Variants in ROBO2 observed in about 807,000 individuals in gnomAD.
ROBO2 encodes roundabout homolog 2.
ROBO2 carries 53 observed loss-of-function variants against 160.8 expected under a neutral mutation model. The ratio of observed to expected loss-of-function variants is 0.33; its 90% confidence interval spans 0.26 to 0.41. ROBO2 has a LOEUF of 0.41. Ranked by LOEUF, ROBO2 falls within the 10% of genes least tolerant of loss-of-function variation. ROBO2 has a pLI of 1.00. For missense variants in ROBO2, 1,577 were observed against 1,722.4 expected (o/e 0.92, Z 1.49); for synonymous variants, 664 against 611.7 (o/e 1.09, Z -1.26).
chr3:76,760,082 G>C (rs1384635180), intron 2 of ROBO2, among the ~76,000 whole-genome samples: 2 of 151,744 alleles, frequency 1.3e-5, no homozygotes, highest in Non-Finnish European at 2.9e-5. Context: ...CAAAAGAGTG[G>C]AGAAGGCACA....
chr3:76,000,757 A>AT (rs949447492), intron 2 of ROBO2, among the ~76,000 whole-genome samples: 6 of 151,742 alleles, frequency 4.0e-5, no homozygotes, highest in South Asian at 2.1e-4. Context: ...CCCAAAGTTA[A>AT]TTTTTTTATA....
intron 2 of ROBO2, among the ~76,000 whole-genome samples, chr3:76,018,045 G>A (rs1314966391): frequency 6.6e-6 from 1 of 151,948 alleles, no homozygotes; most frequent in South Asian, 2.1e-4. Context: ...TTAGGGTAAC[G>A]TATAACAGAG....
intron 2 of ROBO2, among the ~76,000 whole-genome samples, chr3:76,052,338 C>G (rs1244581699): frequency 1.3e-5 from 2 of 152,022 alleles, no homozygotes; most frequent in African/African-American, 4.8e-5. Flanking sequence ...CACTCATGCA[C>G]ACACAGATGA....
intron 2 of ROBO2, among the ~76,000 whole-genome samples, chr3:76,367,509 C>CA (rs2075881453): frequency 6.6e-6 from 1 of 151,956 alleles, no homozygotes; most frequent in South Asian, 2.1e-4. Flanking sequence ...TGCATCACAA[C>CA]TTCCTGTGGT....
At chr3:76,122,824 CCTT>C (rs1232626226) in intron 2 of ROBO2, among the ~76,000 whole-genome samples, 3 of 151,876 alleles carry the variant, frequency 2.0e-5, no homozygotes. Flanking sequence ...ATAAAAATAC[CCTT>C]CTTCAATTGT....
chr3:77,412,956 C>T (rs1047168474), intron 2 of ROBO2, among the ~76,000 whole-genome samples: 6 of 152,150 alleles, frequency 3.9e-5, no homozygotes, highest in Admixed American at 3.9e-4. Context: ...GTGGCTCATG[C>T]CTGTAATCCC....
chr3:77,306,557 C>G (rs2063111004), intron 2 of ROBO2, among the ~76,000 whole-genome samples: 1 of 152,074 alleles, frequency 6.6e-6, no homozygotes, highest in African/African-American at 2.4e-5. Flanking sequence ...CTGTGTGACC[C>G]TGTCTTAAAG....
intron 1 of ROBO2, among the ~76,000 whole-genome samples, chr3:77,084,098 T>A (rs918822362): frequency 2.0e-5 from 3 of 152,092 alleles, no homozygotes; most frequent in African/African-American, 2.4e-5. Flanking sequence ...CACTTCTAGT[T>A]CACTAGTTTA....
At chr3:76,420,695 A>G (rs907823261) in intron 2 of ROBO2, among the ~76,000 whole-genome samples, 2 of 152,230 alleles carry the variant, frequency 1.3e-5, no homozygotes, top group African/African-American at 4.8e-5. Flanking sequence ...AACACTGTAT[A>G]GTTCAAGCAA....
chr3:75,912,422 T>C (rs1946636313), intron 1 of ROBO2, among the ~76,000 whole-genome samples: 1 of 152,188 alleles, frequency 6.6e-6, no homozygotes, highest in Middle Eastern at 3.2e-3. Flanking sequence ...GAGGAAAAAT[T>C]TGTACACAAT....
At chr3:76,433,508 A>C (rs1318101906) in intron 2 of ROBO2, among the ~76,000 whole-genome samples, 1 of 152,220 alleles carries the variant, frequency 6.6e-6, no homozygotes. Flanking sequence ...TTTAAATAGT[A>C]TACATTCTTT....
intron 2 of ROBO2, among the ~76,000 whole-genome samples, chr3:76,748,540 A>C (rs1178745002): frequency 6.6e-6 from 1 of 151,690 alleles, no homozygotes; most frequent in Non-Finnish European, 1.5e-5. Context: ...AATGTAAATG[A>C]AACATTAAAA....
intron 2 of ROBO2, among the ~76,000 whole-genome samples, chr3:77,101,434 A>G (rs1250324015): frequency 2.6e-5 from 4 of 152,202 alleles, no homozygotes; most frequent in East Asian, 3.9e-4. Flanking sequence ...TGACATACCA[A>G]TGAAATAGTA....
rs981590235 is a variant in ROBO2 at position 77,612,559 on chromosome 3, C to T, written c.3293+4605C>T. On this transcript the variant is annotated intron_variant, in intron 21 of 25. Transcript: ENST00000461745. ...CATGGTAGGTAGATGGATCTGTGGA[C>T]ATTTTTCAGTTTCGCTATCCCAAAG... Among the ~76,000 whole-genome samples the T allele has an allele frequency of 2.6e-5, 4 of 152,128 alleles. No homozygotes were observed. The South Asian group carries it at 8.3e-4, about 31-fold the overall frequency.
intron 2 of ROBO2, among the ~76,000 whole-genome samples, chr3:76,755,800 T>G (rs1323769822): frequency 6.6e-6 from 1 of 151,852 alleles, no homozygotes; most frequent in Non-Finnish European, 1.5e-5. Flanking sequence ...TAAATTATGT[T>G]TAGGAAATCA....
intron 2 of ROBO2, among the ~76,000 whole-genome samples, chr3:76,227,852 A>G (rs1334656491): frequency 6.6e-6 from 1 of 152,218 alleles, no homozygotes; most frequent in African/African-American, 2.4e-5. Context: ...TCTTTTGAAC[A>G]CACACATAAT....
intron 2 of ROBO2, among the ~76,000 whole-genome samples, chr3:76,662,893 T>A (rs1477213898): frequency 6.6e-6 from 1 of 152,116 alleles, no homozygotes; most frequent in Non-Finnish European, 1.5e-5. Flanking sequence ...CTTCACCAGA[T>A]GTTGAAGAAA....
At chr3:75,966,314 T>A (rs1474540711) in intron 2 of ROBO2, among the ~76,000 whole-genome samples, 1 of 151,670 alleles carries the variant, frequency 6.6e-6, no homozygotes, top group African/African-American at 2.4e-5. Flanking sequence ...GAATGTGTCA[T>A]GAATTAATTT....
chr3:77,361,438 T>C (rs990954151), intron 2 of ROBO2, among the ~76,000 whole-genome samples: 1 of 152,162 alleles, frequency 6.6e-6, no homozygotes, highest in African/African-American at 2.4e-5. Flanking sequence ...TAAAAACATG[T>C]TATATATCAA....
Sources: gnomAD v4.1 joint callset for allele counts (sites outside exome capture counted in the v4.1 genomes callset) on GRCh38, gnomAD v4.1.1 for gene constraint, MANE v1.5 for transcripts, NCBI Gene and HGNC (gene_info 2026-07-23, HGNC 2026-07-21) for gene names.